Variants in SUFU observed in about 807,000 individuals in gnomAD.
SUFU encodes suppressor of fused homolog.
A neutral mutation model predicts 58.9 loss-of-function variants in SUFU; 7 were observed. The observed-to-expected ratio is 0.12, with a 90% CI of 0.07 to 0.22. The LOEUF (loss-of-function observed/expected upper bound fraction) is 0.22. Among genes scored for constraint, SUFU ranks in the 10% least tolerant of loss-of-function variants. The pLI is 1.00. For missense variants in SUFU, 451 were observed against 641.3 expected, an observed-to-expected ratio of 0.70 and a Z score of 3.20; for synonymous variants, 232 against 254.8, an observed-to-expected ratio of 0.91 and a Z score of 0.85.
intron 3 of SUFU, among the ~76,000 whole-genome samples, chr10:102,556,844 C>A (rs537088353): frequency 6.6e-6 from 1 of 151,930 alleles, no homozygotes; most frequent in South Asian, 2.1e-4. Context: ...AATCCCAGCA[C>A]TTTGGGAGCC....
At chr10:102,567,346 G>A (rs1446093437) in intron 3 of SUFU, among the ~76,000 whole-genome samples, 11 of 152,066 alleles carry the variant, frequency 7.2e-5, no homozygotes, top group Non-Finnish European at 8.8e-5. Context: ...CCAGGGCAGT[G>A]GCTTTCTTAC....
At position 102,630,972 on chromosome 10, in the gene SUFU, G is replaced by A. The variant is rs2063832806; in HGVS notation, c.*817G>A. On this transcript the variant is annotated 3_prime_UTR_variant, in exon 12 of 12. Transcript: ENST00000369902. The stretch of plus-strand genomic sequence containing the variant: ...AGCCTAGTTTAGCTGGGGCCAGGGA[G>A]GGGTGCTACTGTTTTCCAAGTGAAT... The A allele has an allele frequency of 4.3e-6, 1 of 233,648 alleles. No homozygotes were observed. Among genetic ancestry groups the A allele is most frequent in the Admixed American group, 5.6e-5 (1 of 17,810 alleles). The allele number at this position is 233,648 out of a possible 1,614,324, so 14.5% of individuals were successfully genotyped here.
At chr10:102,559,374 C>T (rs373565801) in intron 3 of SUFU, among the ~76,000 whole-genome samples, 6 of 150,696 alleles carry the variant, frequency 4.0e-5, no homozygotes, top group African/African-American at 1.5e-4. Flanking sequence ...AAACACTCCC[C>T]ACCTAAGAAG....
At chr10:102,604,610 G>T (rs2063544950) in intron 8 of SUFU, among the ~76,000 whole-genome samples, 1 of 152,158 alleles carries the variant, frequency 6.6e-6, no homozygotes, top group South Asian at 2.1e-4. Flanking sequence ...TCCAGGGAAG[G>T]GAAAAGGAAG....
chr10:102,617,063 T>C lies in SUFU; in HGVS notation c.1158-227T>C, dbSNP rs1410635966. On this transcript the variant is annotated intron_variant, in intron 9 of 11. Coordinates refer to ENST00000369902, the MANE Select transcript of SUFU (RefSeq NM_016169.4). This position sits in a 1 kb window ranked among gnomAD's most constrained non-coding sequence, Gnocchi z 4.4. Reference sequence around the variant, plus strand: ...TGTTTTCTGCTAGCTTTGAGCACTTTGGAAGGATGATGTTAGAGAACTTGT... The same window carrying C: ...TGTTTTCTGCTAGCTTTGAGCACTTCGGAAGGATGATGTTAGAGAACTTGT... Among the ~76,000 whole-genome samples, 1 of 152,250 alleles carries C rather than the reference T, an allele frequency of 6.6e-6. No individual in the cohort carries two copies. Among genetic ancestry groups the C allele is most frequent in the African/African-American group, 2.4e-5 (1 of 41,478 alleles).
Position 102,570,231 on chromosome 10 carries a change from A to ATATT in SUFU, c.454+20150_454+20153dup, listed in dbSNP as rs10524429. 2.9e-4 allele frequency among the ~76,000 whole-genome samples: 43 copies of ATATT among 148,350 alleles called. 1 individual carries two copies. Among genetic ancestry groups the ATATT allele is most frequent in the Admixed American group, 2.7e-3 (39 of 14,704 alleles). ...GAATCTAGATTGCCGAACCGAGAGA[A>ATATT]TATTTATTTATTTATTTATTTATTT... On this transcript the variant is annotated intron_variant, in intron 3 of 11. Coordinates refer to ENST00000369902, the MANE Select transcript of SUFU (RefSeq NM_016169.4).
Position 102,503,976 on chromosome 10 carries a change from TCGG to T in SUFU, c.-168_-166del. 2.2e-6 allele frequency: 2 copies of T among 912,604 alleles called. No homozygotes were observed. The highest frequency in any genetic ancestry group is 2.2e-5 in the South Asian group (1 of 45,378). The allele number at this position is 912,604 out of a possible 1,614,324, so 56.5% of individuals were successfully genotyped here. A position where few individuals can be genotyped will look rare whatever the true frequency, so the allele number is the denominator to read the frequency against. On this transcript the variant is annotated 5_prime_UTR_variant, in exon 1 of 12. Coordinates refer to ENST00000369902, the MANE Select transcript of SUFU (RefSeq NM_016169.4). ...CGCCCCGAGGCACCCTCTGGCAGAC[TCGG>T]CGGCGGCGACAGCCTGGGCGGACAG...
intron 2 of SUFU, among the ~76,000 whole-genome samples, chr10:102,515,294 T>A (rs1417842731): frequency 6.6e-6 from 1 of 150,778 alleles, no homozygotes; most frequent in Non-Finnish European, 1.5e-5. Flanking sequence ...TTTTTCCTCC[T>A]CAAAGCTTAG....
At chr10:102,615,880 T>G (rs534865353) in intron 9 of SUFU, among the ~76,000 whole-genome samples, 1 of 152,242 alleles carries the variant, frequency 6.6e-6, no homozygotes, top group Non-Finnish European at 1.5e-5. Context: ...TTGACAGACC[T>G]TCCTCGTTCG....
chr10:102,515,952 C>A (rs571878549), intron 2 of SUFU, among the ~76,000 whole-genome samples: 2 of 152,204 alleles, frequency 1.3e-5, no homozygotes, highest in East Asian at 1.9e-4. Flanking sequence ...ACCAAGCAAG[C>A]GTGAGGCGTC....
intron 2 of SUFU, among the ~76,000 whole-genome samples, chr10:102,524,584 G>A (rs557398044): frequency 6.6e-6 from 1 of 152,106 alleles, no homozygotes; most frequent in South Asian, 2.1e-4. Flanking sequence ...GCCTCCCAAA[G>A]TTCTGGGATT....
At position 102,617,879 on chromosome 10, in the gene SUFU, G is replaced by T. The variant is rs963379636; in HGVS notation, c.1296+451G>T. 1 of 322,584 alleles carries T rather than the reference G, an allele frequency of 3.1e-6. No homozygotes were observed. The allele number at this position is 322,584 out of a possible 1,614,324, so 20.0% of individuals were successfully genotyped here. On this transcript the variant is annotated intron_variant, in intron 10 of 11. Coordinates refer to ENST00000369902, the MANE Select transcript of SUFU (RefSeq NM_016169.4). This position sits in a 1 kb window ranked among gnomAD's most constrained non-coding sequence, Gnocchi z 4.4. ...GTGTGCCTGGACCAGGGCTGGGCAG[G>T]CCTCAGTGGGAAGAGCCTCCCCTTC...
At chr10:102,618,931 C>CGGGTGT in intron 10 of SUFU, 1 of 573,972 alleles carries the variant, frequency 1.7e-6, no homozygotes, top group Non-Finnish European at 3.0e-6. Context: ...CCTCAGGTAG[C>CGGGTGT]GTGTGTGTGT....
At position 102,592,563 on chromosome 10, in the gene SUFU, C is replaced by T. The variant is rs370818590; in HGVS notation, c.455-19C>T. ...ATCTGGGGCCTTGAACAATGAGGAT[C>T]CTTGTATCTCTCCCACAGAGAACAC... On this transcript the variant is annotated intron_variant, in intron 3 of 11. Transcript: ENST00000369902. 3 of 1,613,860 alleles carry T rather than the reference C, an allele frequency of 1.9e-6. No individual in the cohort carries two copies. In the Admixed American group the frequency reaches 5.0e-5, roughly 27 times the overall value.
At position 102,600,095 on chromosome 10, in the gene SUFU, G is replaced by A. The variant is rs149880685; in HGVS notation, c.1022+551G>A. Among the ~76,000 whole-genome samples, 243 of 152,250 alleles carry A rather than the reference G, an allele frequency of 1.6e-3. 1 individual carries two copies. The highest frequency in any genetic ancestry group is 4.3e-3 in the African/African-American group (179 of 41,554). ...TGTCCAGGGGCCCCTGTAGCCCTCC[G>A]GAGAGACTGTGGCCACCCTAGAGGT... is the stretch of plus-strand genomic sequence containing the variant. On this transcript the variant is annotated intron_variant, in intron 8 of 11. Coordinates refer to ENST00000369902, the MANE Select transcript of SUFU (RefSeq NM_016169.4).
At position 102,615,484 on chromosome 10, in the gene SUFU, C is replaced by T. The variant is rs545376315; in HGVS notation, c.1157+82C>T. On this transcript the variant is annotated intron_variant, in intron 9 of 11. Transcript: ENST00000369902. The stretch of plus-strand genomic sequence containing the variant: ...GGGGGCACTTCAGAGCCTCCCCAGC[C>T]CCCTCCCCCAGCAGGCGTCCTCCAG... 1.9e-6 allele frequency: 3 copies of T among 1,603,900 alleles called. No individual in the cohort carries two copies. In the South Asian group the frequency reaches 3.3e-5, roughly 18 times the overall value.
intron 2 of SUFU, among the ~76,000 whole-genome samples, chr10:102,541,697 CTTTT>C (rs869264798): frequency 5.3e-5 from 3 of 56,086 alleles, no homozygotes; most frequent in Non-Finnish European, 9.2e-5. Flanking sequence ...CCGCGCCCGG[CTTTT>C]TTTTTTTTTT....
chr10:102,616,244 C>T (rs1009677759), intron 9 of SUFU, among the ~76,000 whole-genome samples: 3 of 152,208 alleles, frequency 2.0e-5, no homozygotes, highest in Non-Finnish European at 2.9e-5. Flanking sequence ...GGCTGCTGCA[C>T]GGCTGCATCT....
intron 8 of SUFU, among the ~76,000 whole-genome samples, chr10:102,600,302 C>G (rs1336382820): frequency 6.6e-6 from 1 of 152,190 alleles, no homozygotes; most frequent in African/African-American, 2.4e-5. Flanking sequence ...GAGGAAATTG[C>G]TGTGCCTTGG....
Sources: gnomAD v4.1 joint callset for allele counts (sites outside exome capture counted in the v4.1 genomes callset) on GRCh38, gnomAD v4.1.1 for gene constraint, Gnocchi (gnomAD v3.1) non-coding constraint, MANE v1.5 for transcripts, NCBI Gene and HGNC (gene_info 2026-07-23, HGNC 2026-07-21) for gene names.